The following DNMT3B variants were observed in gnomAD, a reference collection of about 807,000 sequenced individuals.
DNMT3B encodes the protein DNA methyltransferase 3 beta, also known as DNA (cytosine-5)-methyltransferase 3B.
In DNMT3B, 37 loss-of-function variants were observed where a neutral mutation model predicts 120.2. The observed-to-expected ratio is 0.31, with a 90% confidence interval of 0.24 to 0.40. DNMT3B has a LOEUF of 0.40. Among genes scored for constraint, DNMT3B ranks in the 10% least tolerant of loss-of-function variants. The pLI is 1.00. For missense variants in DNMT3B, 878 were observed against 1,137.3 expected, an observed-to-expected ratio of 0.77 and a Z score of 3.28; for synonymous variants, 412 against 442.8, an observed-to-expected ratio of 0.93 and a Z score of 0.87.
intron 3 of DNMT3B, among the ~76,000 whole-genome samples, chr20:32,781,932 C>T (rs1054213347): frequency 1.2e-4 from 18 of 152,152 alleles, no homozygotes; most frequent in African/African-American, 3.4e-4. Context: ...TACTTAATAA[C>T]GGCTCCAAAG....
chr20:32,795,490 G>T lies in DNMT3B; in HGVS notation c.1208G>T (p.Cys403Phe), dbSNP rs1422711899. The T allele has an allele frequency of 1.2e-5, 20 of 1,614,162 alleles. No individual in the cohort carries two copies. Among genetic ancestry groups the T allele is most frequent in the Non-Finnish European group, 1.7e-5 (20 of 1,180,050 alleles). Reference protein sequence around the residue: ...CPAPKRLKTNCYNNGKDRGDE... With the variant: ...CPAPKRLKTNFYNNGKDRGDE... The stretch of plus-strand genomic sequence containing the variant: ...GCACCCAAGCGCCTCAAGACAAATT[G>T]CTATAACAACGGCAAAGACCGAGGG... Residue 403 changes from cysteine to phenylalanine, a missense_variant, in exon 11 of 23, where the codon TGC becomes TTC. Cys to Phe is a radical substitution (Grantham distance 205). Transcript: ENST00000328111.
Position 32,795,417 on chromosome 20 carries a change from A to G in DNMT3B, c.1135A>G (p.Thr379Ala). ...KLESRKYENK[T>A]RRRTADDSAT... ...CTAATTACCTTTCACAGAGAACAAG[A>G]CTCGAAGACGCACAGCTGACGACTC... The change falls in exon 11 of 23, where the codon ACT becomes GCT. Residue 379 changes from threonine to alanine, a missense_variant. Around this residue, in one of 4 missense-constraint regions of DNMT3B, gnomAD observed 207 missense variants for 222.6 expected, o/e 0.93. Transcript: ENST00000328111. 6.2e-7 allele frequency: 1 copy of G among 1,613,914 alleles called. No individual in the cohort carries two copies. The highest frequency in any genetic ancestry group is 8.5e-7 in the Non-Finnish European group (1 of 1,179,962).
At chr20:32,774,523 T>TC (rs796547754) in intron 1 of DNMT3B, among the ~76,000 whole-genome samples, 2,557 of 149,236 alleles carry the variant, frequency 0.017, 72 homozygotes, top group African/African-American at 0.06. Context: ...TTTTTTTTTT[T>TC]TTTTTTTAGA....
intron 1 of DNMT3B, among the ~76,000 whole-genome samples, chr20:32,764,879 A>T (rs946690849): frequency 6.6e-6 from 1 of 152,146 alleles, no homozygotes; most frequent in South Asian, 2.1e-4. Context: ...TGGGGTTGAG[A>T]GGCTGCTTCC....
At chr20:32,786,462 A>C in intron 4 of DNMT3B, 40 bp from the exon 5 acceptor site, 1 of 1,613,636 alleles carries the variant, frequency 6.2e-7, no homozygotes, top group South Asian at 1.1e-5. Flanking sequence ...CCAGGCCTCC[A>C]GTCACCTAAG....
At chr20:32,800,983 C>T in intron 18 of DNMT3B, 58 bp downstream of exon 18, 2 of 1,594,336 alleles carry the variant, frequency 1.3e-6, no homozygotes, top group Non-Finnish European at 8.6e-7. Flanking sequence ...ACCACTGGCC[C>T]AGGTGCAGCA....
Position 32,801,387 on chromosome 20 carries a change from G to T in DNMT3B, c.2106G>T (p.Met702Ile). The T allele has an allele frequency of 6.2e-7, 1 of 1,614,182 alleles. No individual in the cohort carries two copies. The highest frequency in any genetic ancestry group is 8.5e-7 in the Non-Finnish European group (1 of 1,180,034). The part of the protein sequence containing the change: ...FFWMFENVVA[M>I]KVGDKRDISR... ...GGATGTTTGAGAATGTTGTAGCCAT[G>T]AAGGTTGGCGACAAGAGGGACATCT... is the stretch of plus-strand genomic sequence containing the variant. The change falls in exon 19 of 23, where the codon ATG becomes ATT. Residue 702 changes from methionine to isoleucine, a missense_variant. Physicochemically the swap from Met to Ile is conservative, Grantham distance 10. This residue lies in a region of DNMT3B where 334 missense variants were observed against 518.8 expected (regional missense o/e 0.64). Transcript: ENST00000328111.
At chr20:32,771,772 G>A (rs1045308547) in intron 1 of DNMT3B, among the ~76,000 whole-genome samples, 5 of 151,996 alleles carry the variant, frequency 3.3e-5, no homozygotes, top group African/African-American at 9.7e-5. Context: ...CTTTACTTAC[G>A]GGGAAAAATA....
rs371472857 is a variant in DNMT3B at position 32,787,614 on chromosome 20, C to T, written c.654+163C>T. 5.4e-4 allele frequency among the ~76,000 whole-genome samples: 82 copies of T among 152,312 alleles called. 1 individual carries two copies. Among genetic ancestry groups the T allele is most frequent in the African/African-American group, 1.7e-3 (71 of 41,554 alleles). On this transcript the variant is annotated intron_variant, in intron 6 of 22. Coordinates refer to ENST00000328111, the MANE Select transcript of DNMT3B (RefSeq NM_006892.4). Reference sequence around the variant, plus strand: ...TTCTAAGTATCTTCCATATGCACCACGGACCTTTCTTTACCTTAATCCTCT... The same window carrying T: ...TTCTAAGTATCTTCCATATGCACCATGGACCTTTCTTTACCTTAATCCTCT...
chr20:32,805,507 C>G (rs975513450), intron 21 of DNMT3B, 100 bp downstream of exon 21: 60 of 1,379,162 alleles, frequency 4.4e-5, no homozygotes, highest in Non-Finnish European at 5.9e-5. Flanking sequence ...ACTCCTCCCC[C>G]CACGTGACTT....
intron 1 of DNMT3B, among the ~76,000 whole-genome samples, chr20:32,777,792 C>T (rs1231568523): frequency 6.6e-6 from 1 of 152,208 alleles, no homozygotes; most frequent in Non-Finnish European, 1.5e-5. Flanking sequence ...ATAGGTCAGC[C>T]AGCCTGTTCT....
chr20:32,792,211 A>G (rs1980053934), intron 8 of DNMT3B, among the ~76,000 whole-genome samples: 2 of 152,220 alleles, frequency 1.3e-5, no homozygotes, highest in South Asian at 4.1e-4. Flanking sequence ...TCCTTCATGT[A>G]GGACACAAGT....
chr20:32,777,896 C>G (rs1273852779), intron 1 of DNMT3B, among the ~76,000 whole-genome samples: 1 of 152,178 alleles, frequency 6.6e-6, no homozygotes, highest in Non-Finnish European at 1.5e-5. Context: ...AATTCCTTAA[C>G]AGGTGCTGAT....
intron 13 of DNMT3B, 51 bp from the exon 14 acceptor site, chr20:32,797,136 C>G (rs1980726362): frequency 6.2e-7 from 1 of 1,608,966 alleles, no homozygotes; most frequent in Admixed American, 1.7e-5. Flanking sequence ...GCCGGCAGGG[C>G]CTGCCCTTCT....
intron 3 of DNMT3B, among the ~76,000 whole-genome samples, chr20:32,781,884 G>GTGAT (rs1639211890): frequency 6.6e-6 from 1 of 152,196 alleles, no homozygotes; most frequent in African/African-American, 2.4e-5. Flanking sequence ...CAGATCAGTT[G>GTGAT]CAGTATCACA....
rs760942601 is a variant in DNMT3B at position 32,807,752 on chromosome 20, G to A, written c.2421-10G>A. On this transcript the variant is annotated splice_polypyrimidine_tract_variant and intron_variant, in intron 22 of 22. Transcript: ENST00000328111. ...TCTGACTTGCTGTCTTTTCACTCCG[G>A]TACCCCCAGGATCTTTGGCTTTCCT... 6.2e-7 allele frequency: 1 copy of A among 1,613,960 alleles called. No individual in the cohort carries two copies. Among genetic ancestry groups the A allele is most frequent in the South Asian group, 1.1e-5 (1 of 91,076 alleles).
chr20:32,775,419 G>A (rs931191374), intron 1 of DNMT3B, among the ~76,000 whole-genome samples: 30 of 152,214 alleles, frequency 2.0e-4, no homozygotes, highest in African/African-American at 7.0e-4. Flanking sequence ...ATTACTGCTG[G>A]GTTGGGGCGA....
chr20:32,763,786 G>A lies in DNMT3B; in HGVS notation c.-7+1087G>A, dbSNP rs139714478. 2.9e-3 allele frequency among the ~76,000 whole-genome samples: 448 copies of A among 152,340 alleles called. 3 individuals carry two copies. The highest frequency in any genetic ancestry group is 9.9e-3 in the African/African-American group (413 of 41,568). On this transcript the variant is annotated intron_variant, in intron 1 of 22. Coordinates refer to ENST00000328111, the MANE Select transcript of DNMT3B (RefSeq NM_006892.4). ...TGCTCCCTTTTCCTCCCCTGGTCTA[G>A]GAGAGAGGCTCGCTGGGCCTCCGTG...
At chr20:32,807,199 A>C (rs1379124843) in intron 22 of DNMT3B, among the ~76,000 whole-genome samples, 1 of 152,172 alleles carries the variant, frequency 6.6e-6, no homozygotes, top group Non-Finnish European at 1.5e-5. Context: ...TTAGTATTGG[A>C]TTGTATACCT....
Sources: allele counts gnomAD v4.1 joint callset (sites outside exome capture counted in the v4.1 genomes callset), GRCh38; gene constraint gnomAD v4.1.1; regional missense constraint gnomAD v4.1.1; transcripts MANE v1.5; gene names NCBI Gene and HGNC (gene_info 2026-07-23, HGNC 2026-07-21).